NFKB1: variants seen among roughly 807,000 people sequenced by gnomAD.
The protein encoded by NFKB1 is nuclear factor NF-kappa-B p105 subunit.
Under a neutral mutation model 105.1 loss-of-function variants are expected in NFKB1, and 9 were observed. The ratio of observed to expected loss-of-function variants is 0.09; its 90% CI spans 0.05 to 0.15. The LOEUF is 0.15. NFKB1 is among the 10% of genes least tolerant of loss of function. The probability of loss-of-function intolerance (pLI) is 1.00; values close to 1 mark genes in which losing one functional copy is unlikely to be tolerated. For synonymous variants in NFKB1, 440 were observed against 442.2 expected, an observed-to-expected ratio of 1.00 and a Z score of 0.06; for missense variants, 830 against 1,203.7, an observed-to-expected ratio of 0.69 and a Z score of 4.59.
At chr4:102,506,168 T>C (rs1305928207) in intron 1 of NFKB1, among the ~76,000 whole-genome samples, 1 of 152,186 alleles carries the variant, frequency 6.6e-6, no homozygotes, top group East Asian at 1.9e-4. Context: ...GTAATTGGAA[T>C]GATAAAAGGT....
In NFKB1 at chr4:102,535,878, T is replaced by G. The variant is rs573131101; in HGVS notation, c.160-1980T>G. Among the ~76,000 whole-genome samples, 19 of 150,124 alleles carry G rather than the reference T, an allele frequency of 1.3e-4. 1 individual carries two copies. The East Asian group carries it at 3.7e-3, about 29-fold the overall frequency. On this transcript the variant is annotated intron_variant, in intron 4 of 23. Transcript: ENST00000226574. ...TTAAAGATAATGAATTGTGTGTGTG[T>G]GGTTTTGGGGTTTTTTTTGTTTTTT...
intron 4 of NFKB1, among the ~76,000 whole-genome samples, chr4:102,535,500 A>G (rs1045491141): frequency 6.6e-6 from 1 of 152,190 alleles, no homozygotes; most frequent in South Asian, 2.1e-4. Flanking sequence ...AGTGAAAGTA[A>G]GAAGGTTGTA....
At chr4:102,565,532 A>G (rs1723792326) in intron 5 of NFKB1, among the ~76,000 whole-genome samples, 1 of 152,156 alleles carries the variant, frequency 6.6e-6, no homozygotes, top group African/African-American at 2.4e-5. Flanking sequence ...CCATTTAATG[A>G]AGTTTATAGT....
chr4:102,542,016 G>A (rs1053365809), intron 5 of NFKB1, among the ~76,000 whole-genome samples: 1 of 152,090 alleles, frequency 6.6e-6, no homozygotes, highest in African/African-American at 2.4e-5. Flanking sequence ...GCCTGGCTGT[G>A]GTTTGCAGGC....
chr4:102,505,367 AAAC>A (rs1456110773), intron 1 of NFKB1, among the ~76,000 whole-genome samples: 2 of 152,258 alleles, frequency 1.3e-5, no homozygotes, highest in Non-Finnish European at 2.9e-5. Flanking sequence ...TTTAAAAAGA[AAAC>A]AATTTTTATT....
chr4:102,530,133 G>C (rs1459867332), intron 3 of NFKB1, among the ~76,000 whole-genome samples: 1 of 152,070 alleles, frequency 6.6e-6, no homozygotes, highest in East Asian at 1.9e-4. Flanking sequence ...TTTCATATCT[G>C]CTAGGACTAC....
chr4:102,602,310 C>T (rs1001575252), intron 16 of NFKB1, among the ~76,000 whole-genome samples: 17 of 150,722 alleles, frequency 1.1e-4, no homozygotes, highest in African/African-American at 3.7e-4. Flanking sequence ...GCAGGCGGAT[C>T]ATGAGATCAG....
rs376298793 is a variant in NFKB1, at chr4:102,586,525, CAACT to C, written c.1066+1706_1066+1709del. Among the ~76,000 whole-genome samples, 344 of 152,290 alleles carry C rather than the reference CAACT, an allele frequency of 2.3e-3. 1 individual carries two copies. The highest frequency in any genetic ancestry group is 8.0e-3 in the African/African-American group (331 of 41,570). On this transcript the variant is annotated intron_variant, in intron 11 of 23. Transcript: ENST00000226574. ...TCTCAAAACGAGATATAACAGGCAC[CAACT>C]GAGTCATCATTCAAAGGTATTTCTT...
chr4:102,551,049 G>A (rs915698258), intron 5 of NFKB1, among the ~76,000 whole-genome samples: 1 of 152,142 alleles, frequency 6.6e-6, no homozygotes, highest in Admixed American at 6.5e-5. Flanking sequence ...TTTAAAGTAC[G>A]TTCTGAATTA....
intron 11 of NFKB1, among the ~76,000 whole-genome samples, chr4:102,588,386 A>G (rs897307432): frequency 6.6e-6 from 1 of 152,122 alleles, no homozygotes; most frequent in Non-Finnish European, 1.5e-5. Flanking sequence ...GATCGAAATA[A>G]TCAAGAGAAG....
chr4:102,593,482 T>C lies in NFKB1; in HGVS notation c.1124T>C (p.Phe375Ser). Reference sequence around the variant, plus strand: ...CTCATGCCCAATTTTTCGGATAGTTTCGGCGGTGGTAGTGGTGCTGGAGCT... The same window carrying C: ...CTCATGCCCAATTTTTCGGATAGTTCCGGCGGTGGTAGTGGTGCTGGAGCT... ...QKLMPNFSDS[F>S]GGGSGAGAGG... Residue 375 changes from phenylalanine to serine, a missense_variant, in exon 12 of 24, where the codon TTC becomes TCC. Around this residue, in one of 8 missense-constraint regions of NFKB1, gnomAD observed 163 missense variants for 164.3 expected, o/e 0.99. Transcript: ENST00000226574. 2 of 1,613,858 alleles carry C rather than the reference T, an allele frequency of 1.2e-6. No individual in the cohort carries two copies. The highest frequency in any genetic ancestry group is 2.2e-5 in the South Asian group (2 of 91,054).
At chr4:102,519,756 G>A (rs564888628) in intron 1 of NFKB1, among the ~76,000 whole-genome samples, 1 of 152,252 alleles carries the variant, frequency 6.6e-6, no homozygotes, top group South Asian at 2.1e-4. Context: ...CAGAGACTGT[G>A]GGGTCAGATT....
Position 102,584,682 on chromosome 4 carries a change from T to C in NFKB1, c.928T>C (p.Phe310Leu). The change falls in exon 11 of 24, where the codon TTT becomes CTT. Residue 310 changes from phenylalanine to leucine, a missense_variant and splice_region_variant. Transcript: ENST00000226574. ...ACATGTGGTTCTTCGTATCCTGCAG[T>C]TTGCCATTGTCTTCAAAACTCCAAA... ...DFSPTDVHRQ[F>L]AIVFKTPKYK... is the part of the protein sequence containing the mutation. 6.3e-7 allele frequency: 1 copy of C among 1,589,272 alleles called. No individual in the cohort carries two copies. The highest frequency in any genetic ancestry group is 8.5e-7 in the Non-Finnish European group (1 of 1,171,828).
At position 102,502,826 on chromosome 4, in the gene NFKB1, T is replaced by C. The variant is rs570138936; in HGVS notation, c.-8+1038T>C. Among the ~76,000 whole-genome samples, 14 of 152,274 alleles carry C rather than the reference T, an allele frequency of 9.2e-5. No individual in the cohort carries two copies. The South Asian group carries it at 2.9e-3, about 32-fold the overall frequency. On this transcript the variant is annotated intron_variant, in intron 1 of 23. Transcript: ENST00000226574. ...CTCAAAGATTTTTTTATAAAGCTCA[T>C]AATCTGAAAAAATGCTTATGGTATT...
intron 16 of NFKB1, among the ~76,000 whole-genome samples, chr4:102,602,847 G>T (rs1254587146): frequency 6.6e-6 from 1 of 152,088 alleles, no homozygotes; most frequent in Non-Finnish European, 1.5e-5. Flanking sequence ...TACCGTTTTG[G>T]GGTCATTGGT....
In NFKB1 at chr4:102,593,509, G is replaced by A. The variant is rs1726343433; in HGVS notation, c.1151G>A (p.Gly384Glu). Residue 384 changes from glycine (G) to glutamate (E), a missense_variant, in exon 12 of 24, where the codon GGA (glycine) becomes GAA (glutamate). Gly to Glu is a moderately conservative substitution (Grantham distance 98, BLOSUM62 -2). Coordinates refer to ENST00000226574, the MANE Select transcript of NFKB1 (RefSeq NM_003998.4). The stretch of plus-strand genomic sequence containing the variant: ...GGCGGTGGTAGTGGTGCTGGAGCTG[G>A]AGGCGGAGGCATGTTTGGTAGTGGC... The part of the protein sequence containing the change: ...SFGGGSGAGA[G>E]GGGMFGSGGG... 2 of 1,613,616 alleles carry A rather than the reference G, an allele frequency of 1.2e-6. No homozygotes were observed. The highest frequency in any genetic ancestry group is 2.7e-5 in the African/African-American group (2 of 74,998).
chr4:102,613,528 C>CCTCTCAGGCCCA lies in NFKB1; in HGVS notation c.2700_2711dup (p.Gln901_Ser904dup). ...GCAGCCTCCAGCCCAGTGAAGACCA[C>CCTCTCAGGCCCA]CTCTCAGGCCCACTCGCTGCCTCTC... On this transcript the variant is annotated inframe_insertion, in exon 23 of 24. Transcript: ENST00000226574. 1 of 1,613,908 alleles carries CCTCTCAGGCCCA rather than the reference C, an allele frequency of 6.2e-7. No individual in the cohort carries two copies. The highest frequency in any genetic ancestry group is 8.5e-7 in the Non-Finnish European group (1 of 1,179,968).
Position 102,534,323 on chromosome 4 carries a change from A to G in NFKB1, c.159+438A>G, listed in dbSNP as rs866017272. Reference sequence around the variant, plus strand: ...CCTTCCTCCTTCCTTTGGTAGCCCCAGCCTTTTCTGTGCTGCCTTTGGAAC... The same window carrying G: ...CCTTCCTCCTTCCTTTGGTAGCCCCGGCCTTTTCTGTGCTGCCTTTGGAAC... On this transcript the variant is annotated intron_variant, in intron 4 of 23. Transcript: ENST00000226574. 1.2e-4 allele frequency among the ~76,000 whole-genome samples: 18 copies of G among 152,276 alleles called. 1 individual carries two copies. Among genetic ancestry groups the G allele is most frequent in the African/African-American group, 4.1e-4 (17 of 41,554 alleles).
At chr4:102,529,449 T>A (rs920769638) in intron 2 of NFKB1, among the ~76,000 whole-genome samples, 1 of 152,230 alleles carries the variant, frequency 6.6e-6, no homozygotes, top group African/African-American at 2.4e-5. Flanking sequence ...TTATTTTGTT[T>A]ATACTTCTAA....
Sources: allele counts gnomAD v4.1 joint callset (sites outside exome capture counted in the v4.1 genomes callset), GRCh38; gene constraint gnomAD v4.1.1; regional missense constraint gnomAD v4.1.1; transcripts MANE v1.5; gene names NCBI Gene and HGNC (gene_info 2026-07-23, HGNC 2026-07-21).